Variants in LRRD1 observed in about 807,000 individuals in gnomAD.
LRRD1 encodes leucine rich repeats and death domain containing 1.
A neutral mutation model predicts 69.5 loss-of-function variants in LRRD1; 49 were observed. The ratio of observed to expected loss-of-function variants is 0.70; its 90% confidence interval spans 0.56 to 0.89. The LOEUF (loss-of-function observed/expected upper bound fraction) is 0.89. Ranked by LOEUF, LRRD1 falls within the 40% of genes least tolerant of loss-of-function variation. The pLI, the probability that LRRD1 is intolerant of heterozygous loss-of-function variation, is 0.00. For missense variants in LRRD1, 853 were observed against 956.0 expected (o/e 0.89, Z 1.42); for synonymous variants, 303 against 338.9 (o/e 0.89, Z 1.16).
chr7:92,158,845 T>G (rs372287554), intron 3 of LRRD1, among the ~76,000 whole-genome samples, 160 bp downstream of exon 3: 29 of 152,342 alleles, frequency 1.9e-4, no homozygotes, highest in African/African-American at 6.7e-4. Context: ...CCTTATACTT[T>G]GCTTTCATTT....
chr7:92,148,962 T>G (rs1820399639), intron 4 of LRRD1, among the ~76,000 whole-genome samples: 1 of 152,192 alleles, frequency 6.6e-6, no homozygotes, highest in South Asian at 2.1e-4. Flanking sequence ...TTGGCCAGGC[T>G]GCTCTTGAAC....
At chr7:92,177,984 G>A (rs893327532) in intron 1 of LRRD1, among the ~76,000 whole-genome samples, 1 of 152,140 alleles carries the variant, frequency 6.6e-6, no homozygotes, top group Non-Finnish European at 1.5e-5. Context: ...GCAAAATATT[G>A]CATTGAAGAG....
In LRRD1 at chr7:92,164,979, G is replaced by T; in HGVS notation, c.224C>A (p.Ser75Tyr). ...TTTCTTTTGTTCTTCATTTCTCTTAGACTTCCTTCCAGAGGAAGATGTTGA... is the reference window on the plus strand; with the variant it reads ...TTTCTTTTGTTCTTCATTTCTCTTATACTTCCTTCCAGAGGAAGATGTTGA... ...LESTSSSGRK[S>Y]KRNEEQKKNL... Residue 75 changes from serine to tyrosine, a missense_variant, in exon 2 of 6, where the codon TCT (serine) becomes TAT (tyrosine). Around this residue, in one of 3 missense-constraint regions of LRRD1, gnomAD observed 99 missense variants for 107.0 expected, o/e 0.92. Coordinates refer to ENST00000458448, the MANE Select transcript of LRRD1 (RefSeq NM_001161528.2). The T allele has an allele frequency of 1.3e-6, 2 of 1,551,236 alleles. No homozygotes were observed. The highest frequency in any genetic ancestry group is 2.4e-5 in the East Asian group (1 of 40,858).
chr7:92,148,065 C>G (rs1208015496), intron 4 of LRRD1, among the ~76,000 whole-genome samples: 1 of 152,072 alleles, frequency 6.6e-6, no homozygotes, highest in East Asian at 1.9e-4. Flanking sequence ...CTCAGCCTCC[C>G]GAGTAGCTGG....
At chr7:92,142,734 A>T (rs777575958), downstream of LRRD1, 2 of 432,184 alleles carry the variant, frequency 4.6e-6, no homozygotes, top group Non-Finnish European at 9.2e-6. Context: ...AGACCTTCGC[A>T]GTGAGTGTTA....
At chr7:92,155,073 C>T (rs1266364538) in intron 3 of LRRD1, among the ~76,000 whole-genome samples, 4 of 152,202 alleles carry the variant, frequency 2.6e-5, no homozygotes, top group African/African-American at 9.6e-5. Flanking sequence ...TAGCGTAGAT[C>T]TTAGCAACCT....
chr7:92,147,179 G>A (rs1278341701), intron 4 of LRRD1, among the ~76,000 whole-genome samples: 1 of 150,792 alleles, frequency 6.6e-6, no homozygotes, highest in Non-Finnish European at 1.5e-5. Context: ...TGATTCTCCT[G>A]CCTCAGCCTC....
In LRRD1 at chr7:92,163,817, G is replaced by A; in HGVS notation, c.1386C>T (p.Asn462=). The A allele has an allele frequency of 6.7e-7, 1 of 1,498,092 alleles. No homozygotes were observed. Among genetic ancestry groups the A allele is most frequent in the Non-Finnish European group, 8.9e-7 (1 of 1,128,554 alleles). The allele number at this position is 1,498,092 out of a possible 1,614,324, so 92.8% of individuals were successfully genotyped here. The stretch of plus-strand genomic sequence containing the variant: ...ATTCAATTTTAATTATTTTTTGGCA[G>A]TTTTTTATTTCAATGGGAACATCTG... ...IITDVPIEIK[N]CQKIIKIELS... Residue 462 remains asparagine (N), a synonymous_variant, in exon 2 of 6, where the codon AAC becomes AAT. Coordinates refer to ENST00000458448, the MANE Select transcript of LRRD1 (RefSeq NM_001161528.2).
intron 2 of LRRD1, among the ~76,000 whole-genome samples, chr7:92,160,259 G>T (rs1490623460): frequency 6.6e-6 from 1 of 152,114 alleles, no homozygotes; most frequent in East Asian, 1.9e-4. Context: ...AAACAACAAG[G>T]TACATTCTGC....
intron 3 of LRRD1, among the ~76,000 whole-genome samples, chr7:92,152,715 C>T (rs994976929): frequency 2.7e-5 from 4 of 150,434 alleles, no homozygotes; most frequent in Non-Finnish European, 4.4e-5. Flanking sequence ...CTGTTGCCCA[C>T]GCTGGAGTGC....
At chr7:92,151,222 A>C (rs1820458691) in intron 3 of LRRD1, among the ~76,000 whole-genome samples, 1 of 152,036 alleles carries the variant, frequency 6.6e-6, no homozygotes, top group Admixed American at 6.5e-5. Flanking sequence ...GCATACTTTT[A>C]TGTCTCATTA....
At chr7:92,155,966 A>T (rs1584654467) in intron 3 of LRRD1, among the ~76,000 whole-genome samples, 1 of 152,172 alleles carries the variant, frequency 6.6e-6, no homozygotes, top group African/African-American at 2.4e-5. Context: ...GTGGCAGCTG[A>T]TTAGATTGTG....
chr7:92,161,165 A>T (rs764203381), intron 2 of LRRD1, among the ~76,000 whole-genome samples: 5 of 152,266 alleles, frequency 3.3e-5, no homozygotes, highest in Non-Finnish European at 5.9e-5. Context: ...CCTTTTGGGC[A>T]TCCTTCCTTT....
Position 92,164,697 on chromosome 7 carries a change from A to G in LRRD1, c.506T>C (p.Leu169Pro), listed in dbSNP as rs1584659325. 2.6e-6 allele frequency: 4 copies of G among 1,550,752 alleles called. No homozygotes were observed. Among genetic ancestry groups the G allele is most frequent in the Non-Finnish European group, 3.5e-6 (4 of 1,146,406 alleles). ...DILKIKYVKYLYLDKNQIKTF... is the reference protein window; with the variant it reads ...DILKIKYVKYPYLDKNQIKTF... ...TTTGATTTGATTCTTGTCTAAATAT[A>G]GATATTTTACATATTTGATTTTTAA... Residue 169 changes from leucine to proline, a missense_variant, in exon 2 of 6, where the codon CTA becomes CCA. Leu to Pro is a moderately conservative substitution (Grantham distance 98). Transcript: ENST00000458448.
chr7:92,174,510 T>TATATGTATATA (rs1491100533), intron 1 of LRRD1, among the ~76,000 whole-genome samples: 29 of 12,606 alleles, frequency 2.3e-3, no homozygotes, highest in South Asian at 3.8e-3. Flanking sequence ...TATATATATA[T>TATATGTATATA]TTTTTTTTTT....
chr7:92,174,500 TATATATATA>T (rs1233341603), intron 1 of LRRD1, among the ~76,000 whole-genome samples: 118 of 20,364 alleles, frequency 5.8e-3, no homozygotes, highest in African/African-American at 0.012. Context: ...TATATATATA[TATATATATA>T]TTTTTTTTTT....
At chr7:92,142,983 T>G, downstream of LRRD1, 2 of 259,152 alleles carry the variant, frequency 7.7e-6, no homozygotes, top group South Asian at 7.9e-5. Flanking sequence ...CCTGCTTTTA[T>G]TCTCTTATCT....
At chr7:92,155,379 C>T (rs1788632075) in intron 3 of LRRD1, among the ~76,000 whole-genome samples, 1 of 152,096 alleles carries the variant, frequency 6.6e-6, no homozygotes, top group Admixed American at 6.6e-5. Flanking sequence ...GAAAAGTGCA[C>T]AATTTTAAAT....
rs374536476 is a variant in LRRD1 at position 92,148,756 on chromosome 7, T to G, written c.2278+1778A>C. ...GAAATAGAATTACCATAAAAGATCC[T>G]TTCATTTTTTAGACGGAGTCTCGCA... On this transcript the variant is annotated intron_variant, in intron 4 of 5. Transcript: ENST00000458448. 2.3e-4 allele frequency among the ~76,000 whole-genome samples: 35 copies of G among 152,278 alleles called. 1 individual carries two copies. The highest frequency in any genetic ancestry group is 7.9e-4 in the African/African-American group (33 of 41,560).
Sources: allele counts gnomAD v4.1 joint callset (sites outside exome capture counted in the v4.1 genomes callset), GRCh38; gene constraint gnomAD v4.1.1; regional missense constraint gnomAD v4.1.1; transcripts MANE v1.5; gene names NCBI Gene and HGNC (gene_info 2026-07-23, HGNC 2026-07-21).